ATP7B: variants seen among roughly 807,000 people sequenced by gnomAD.
ATP7B encodes ATPase copper transporting beta, also known as copper-transporting ATPase 2.
In ATP7B, 113 loss-of-function variants were observed where a neutral mutation model predicts 118.9. That is an observed-to-expected ratio of 0.95 (90% CI 0.82 to 1.11). The LOEUF (loss-of-function observed/expected upper bound fraction) is 1.11, where lower values mean the gene tolerates loss of function less well. ATP7B is among the 50% of genes most tolerant of loss of function. The pLI is 0.00. For missense variants in ATP7B, 1,867 were observed against 1,871.4 expected (o/e 1.00, Z 0.04); for synonymous variants, 777 against 727.4 (o/e 1.07, Z -1.10).
intron 14 of ATP7B, 132 bp downstream of exon 14, chr13:51,943,977 G>T: frequency 8.7e-7 from 1 of 1,145,776 alleles, no homozygotes; most frequent in Non-Finnish European, 1.2e-6. Flanking sequence ...TCCGCCTGCT[G>T]CAGAAGGGCC....
Position 51,973,204 on chromosome 13 carries a change from G to T in ATP7B, c.1285+731C>A, listed in dbSNP as rs191223648. The stretch of plus-strand genomic sequence containing the variant: ...TTTAGCAGTAAAATCTTTTGAGAAG[G>T]TGATAATAGTTCTCTTGGTAAGAAA... On this transcript the variant is annotated intron_variant, in intron 2 of 20. Coordinates refer to ENST00000242839, the MANE Select transcript of ATP7B (RefSeq NM_000053.4). Among the ~76,000 whole-genome samples, 3 of 152,230 alleles carry T rather than the reference G, an allele frequency of 2.0e-5. No individual in the cohort carries two copies. The East Asian group carries it at 5.8e-4, about 29-fold the overall frequency.
chr13:51,992,912 A>T (rs983689950), intron 1 of ATP7B, among the ~76,000 whole-genome samples: 2 of 132,764 alleles, frequency 1.5e-5, no homozygotes, highest in Admixed American at 9.0e-5. Context: ...CAGGAGATGG[A>T]GGTTGCAGTG....
rs1958504823 is a variant in ATP7B at position 51,958,494 on chromosome 13, G to C, written c.2172C>G (p.His724Gln). The C allele has an allele frequency of 6.2e-7, 1 of 1,614,206 alleles. No homozygotes were observed. The highest frequency in any genetic ancestry group is 8.5e-7 in the Non-Finnish European group (1 of 1,180,040). The change falls in exon 8 of 21, where the codon CAC becomes CAG. Residue 724 changes from histidine (H) to glutamine (Q), a missense_variant. By Grantham distance (24) the His-to-Gln change is conservative. Coordinates refer to ENST00000242839, the MANE Select transcript of ATP7B (RefSeq NM_000053.4). ...FYVQAYKSLR[H>Q]RSANMDVLIV... ...TGAGCACGTCCATGTTGGCTGACCT[G>C]TGTCTCAGAGATTTGTAGGCCTGAA...
Position 51,968,369 on chromosome 13 carries a change from A to T in ATP7B, c.1707+75T>A, listed in dbSNP as rs922799204. On this transcript the variant is annotated intron_variant, in intron 4 of 20. Transcript: ENST00000242839. ...CACGTCCAAGATGGGGAAATTTACT[A>T]ATCACAAAGATGGATGTGTCCAAAA... The T allele has an allele frequency of 3.2e-5, 52 of 1,602,550 alleles. 1 individual carries two copies. The African/African-American group carries it at 6.2e-4, about 19-fold the overall frequency.
At chr13:51,994,184 T>C (rs1010998693) in intron 1 of ATP7B, among the ~76,000 whole-genome samples, 5 of 152,220 alleles carry the variant, frequency 3.3e-5, no homozygotes, top group African/African-American at 1.2e-4. Context: ...ATTAAAAGAT[T>C]AAACGCTCTG....
intron 4 of ATP7B, among the ~76,000 whole-genome samples, chr13:51,966,589 G>A (rs1951558728): frequency 3.9e-5 from 6 of 152,222 alleles, no homozygotes; most frequent in Admixed American, 1.3e-4. Flanking sequence ...TAGAAGACTA[G>A]TTAAATGCAG....
chr13:51,958,343 C>T lies in ATP7B; in HGVS notation c.2323G>A (p.Ala775Thr). 6.2e-7 allele frequency: 1 copy of T among 1,614,208 alleles called. No homozygotes were observed. Among genetic ancestry groups the T allele is most frequent in the South Asian group, 1.1e-5 (1 of 91,084 alleles). The change falls in exon 8 of 21, where the codon GCC becomes ACC. Residue 775 changes from alanine (A) to threonine (T), a missense_variant. Physicochemically the swap from Ala to Thr is moderately conservative, Grantham distance 58. Coordinates refer to ENST00000242839, the MANE Select transcript of ATP7B (RefSeq NM_000053.4). ...AAGTGTTCCAGCCACCGGCCCAGGG[C>T]AATGAACACAAAGAGCATGGGGGGC... ...DTPPMLFVFIALGRWLEHLAK... is the reference protein window; with the variant it reads ...DTPPMLFVFITLGRWLEHLAK...
chr13:51,960,220 G>A lies in ATP7B; in HGVS notation c.2049C>T (p.Val683=), dbSNP rs2139606106. 1 of 1,613,938 alleles carries A rather than the reference G, an allele frequency of 6.2e-7. No homozygotes were observed. Reference sequence around the variant, plus strand: ...GTCCTGGAATGATGTTGTGGTCCAGGACCATGGACTGGTGGGGCTCGTTGC... The same window carrying A: ...GTCCTGGAATGATGTTGTGGTCCAGAACCATGGACTGGTGGGGCTCGTTGC... ...IPSNEPHQSM[V]LDHNIIPGLS... The change falls in exon 7 of 21, where the codon GTC becomes GTT. Residue 683 remains valine, a synonymous_variant. Transcript: ENST00000242839.
At chr13:51,958,967 T>A (rs1958545266) in intron 7 of ATP7B, 2 of 226,774 alleles carry the variant, frequency 8.8e-6, no homozygotes, top group Non-Finnish European at 1.8e-5. Flanking sequence ...TCTTGTATGA[T>A]CCCATTTCAG....
In ATP7B at chr13:51,963,171, T is replaced by C. The variant is rs148903447; in HGVS notation, c.1870-1258A>G. On this transcript the variant is annotated intron_variant, in intron 5 of 20. Coordinates refer to ENST00000242839, the MANE Select transcript of ATP7B (RefSeq NM_000053.4). ...GCACCACATGGGACTCTCCTTGCTGTTGACTGCATCAGTCTGATGTCTGAG... is the reference window on the plus strand; with the variant it reads ...GCACCACATGGGACTCTCCTTGCTGCTGACTGCATCAGTCTGATGTCTGAG... Among the ~76,000 whole-genome samples, 98 of 152,270 alleles carry C rather than the reference T, an allele frequency of 6.4e-4. 1 individual carries two copies. Among genetic ancestry groups the C allele is most frequent in the Middle Eastern group, 6.8e-3 (2 of 294 alleles).
chr13:51,966,529 T>C (rs1006370547), intron 4 of ATP7B, among the ~76,000 whole-genome samples: 4 of 152,224 alleles, frequency 2.6e-5, no homozygotes, highest in African/African-American at 9.6e-5. Context: ...TAGGCAAATA[T>C]GAAGCAAACA....
At chr13:51,992,787 G>A (rs61958781) in intron 1 of ATP7B, among the ~76,000 whole-genome samples, 24,123 of 151,760 alleles carry the variant, frequency 0.16, 2,592 homozygotes, top group Non-Finnish European at 0.25. Flanking sequence ...AGACCAGCCT[G>A]GGCAACATGG....
intron 13 of ATP7B, among the ~76,000 whole-genome samples, chr13:51,945,522 T>A (rs1248708437): frequency 6.6e-6 from 1 of 152,204 alleles, no homozygotes; most frequent in Non-Finnish European, 1.5e-5. Flanking sequence ...AACGTTCGTA[T>A]TCGCTTCCCT....
rs754460258 is a variant in ATP7B at position 51,950,175 on chromosome 13, A to G, written c.2576-14T>C. On this transcript the variant is annotated splice_polypyrimidine_tract_variant and intron_variant, in intron 10 of 20. Coordinates refer to ENST00000242839, the MANE Select transcript of ATP7B (RefSeq NM_000053.4). ...GCATGGCTTCTCCTAGACGTAGGAA[A>G]GAGACAACTGTCACTTGCTCAGCCC... 1 of 1,614,172 alleles carries G rather than the reference A, an allele frequency of 6.2e-7. No individual in the cohort carries two copies. Among genetic ancestry groups the G allele is most frequent in the Admixed American group, 1.7e-5 (1 of 60,022 alleles).
In ATP7B at chr13:51,974,678, T is replaced by G. The variant is rs1215708311; in HGVS notation, c.542A>C (p.Gln181Pro). 6.2e-7 allele frequency: 1 copy of G among 1,611,318 alleles called. No homozygotes were observed. Among genetic ancestry groups the G allele is most frequent in the Admixed American group, 1.7e-5 (1 of 59,928 alleles). Reference protein sequence around the residue: ...VVRVKVSLSNQEAVITYQPYL... With the variant: ...VVRVKVSLSNPEAVITYQPYL... ...AGGCTGATAAGTGATGACGGCCTCTTGGTTGCTGAGTGAGACTTTGACTCT... is the reference window on the plus strand; with the variant it reads ...AGGCTGATAAGTGATGACGGCCTCTGGGTTGCTGAGTGAGACTTTGACTCT... The change falls in exon 2 of 21, where the codon CAA becomes CCA. Residue 181 changes from glutamine to proline, a missense_variant. Transcript: ENST00000242839.
chr13:51,975,037 T>C lies in ATP7B; in HGVS notation c.183A>G (p.Thr61=), dbSNP rs759594215. The change falls in exon 2 of 21, where the codon ACA becomes ACG. Residue 61 remains threonine, a synonymous_variant. Coordinates refer to ENST00000242839, the MANE Select transcript of ATP7B (RefSeq NM_000053.4). ...LGPSSQVATS[T]VRILGMTCQS... ...GGCAAGTCATGCCCAAGATCCTGAC[T>C]GTGCTGGTGGCCACCTGAGAAGAAG... 3.1e-6 allele frequency: 5 copies of C among 1,614,264 alleles called. No individual in the cohort carries two copies. The highest frequency in any genetic ancestry group is 4.2e-6 in the Non-Finnish European group (5 of 1,180,044).
intron 1 of ATP7B, among the ~76,000 whole-genome samples, chr13:52,009,184 C>T (rs1953911526): frequency 1.3e-5 from 2 of 152,200 alleles, no homozygotes; most frequent in Non-Finnish European, 1.5e-5. Context: ...AACATTTCAC[C>T]TCAAAACAGA....
chr13:51,966,120 G>GT (rs1374348370), intron 4 of ATP7B, among the ~76,000 whole-genome samples: 3 of 152,218 alleles, frequency 2.0e-5, no homozygotes, highest in Admixed American at 1.3e-4. Flanking sequence ...CTCTCCTTTT[G>GT]TTTTTATAAC....
rs1459783348 is a variant in ATP7B at position 51,950,279 on chromosome 13, G to A, written c.2568C>T (p.Leu856=). 1.5e-5 allele frequency: 25 copies of A among 1,613,984 alleles called. No individual in the cohort carries two copies. The highest frequency in any genetic ancestry group is 2.1e-5 in the Non-Finnish European group (25 of 1,180,028). ...TGAAACAAGCCATCTCACCTGTGAT[G>A]AGGGACTCATCAGCCATGGTATTGC... is the stretch of plus-strand genomic sequence containing the variant. ...LEGNTMADES[L]ITGEAMPVTK... Residue 856 remains leucine (L), a synonymous_variant, in exon 10 of 21, where the codon CTC becomes CTT. Transcript: ENST00000242839.
Sources: allele counts gnomAD v4.1 joint callset (sites outside exome capture counted in the v4.1 genomes callset), GRCh38; gene constraint gnomAD v4.1.1; transcripts MANE v1.5; gene names NCBI Gene and HGNC (gene_info 2026-07-23, HGNC 2026-07-21).